The following EPHB1 variants were observed in gnomAD, a reference collection of about 807,000 sequenced individuals.
EPHB1 encodes EPH receptor B1, also known as ephrin type-B receptor 1.
A neutral mutation model predicts 94.4 loss-of-function variants in EPHB1; 30 were observed. The observed-to-expected ratio is 0.32, with a 90% CI of 0.24 to 0.43. The LOEUF is 0.43. EPHB1 is among the 20% of genes least tolerant of loss of function. EPHB1 has a pLI of 1.00. For synonymous variants in EPHB1, 522 were observed against 489.1 expected, an observed-to-expected ratio of 1.07 and a Z score of -0.89; for missense variants, 1,055 against 1,308.3, an observed-to-expected ratio of 0.81 and a Z score of 2.99.
intron 3 of EPHB1, among the ~76,000 whole-genome samples, chr3:135,030,861 C>T (rs1006299926): frequency 2.6e-4 from 39 of 152,296 alleles, no homozygotes; most frequent in Non-Finnish European, 5.1e-4. Context: ...GACTGCTGTG[C>T]TAGCAATCAG....
intron 3 of EPHB1, among the ~76,000 whole-genome samples, chr3:135,106,102 C>T (rs1379253341): frequency 3.3e-5 from 5 of 152,154 alleles, no homozygotes; most frequent in Non-Finnish European, 5.9e-5. Flanking sequence ...ACCAGGTAGA[C>T]AGAAGAGGGA....
intron 9 of EPHB1, among the ~76,000 whole-genome samples, chr3:135,179,580 C>T (rs1326322901): frequency 6.6e-6 from 1 of 152,110 alleles, no homozygotes; most frequent in East Asian, 1.9e-4. Context: ...GAACTGGTCC[C>T]GATCTGTCAC....
rs2036771469 is a variant in EPHB1, at chr3:134,841,236, A to G, written c.58+45547A>G. On this transcript the variant is annotated intron_variant, in intron 1 of 15. Transcript: ENST00000398015. ...GTGGGTGGCAGGCAGTAGCCAGGAC[A>G]TCTCTAGAGCCTAGGTTAGATGCTC... Among the ~76,000 whole-genome samples, 4 of 152,250 alleles carry G rather than the reference A, an allele frequency of 2.6e-5. No homozygotes were observed. In the South Asian group the frequency reaches 6.2e-4, roughly 24 times the overall value.
intron 3 of EPHB1, among the ~76,000 whole-genome samples, chr3:135,048,266 T>C (rs1319506249): frequency 9.6e-4 from 123 of 128,680 alleles, no homozygotes; most frequent in African/African-American, 2.8e-3. Context: ...TTTCTTTTTT[T>C]TTTTTTTTTT....
chr3:135,087,938 C>G (rs896863039), intron 3 of EPHB1, among the ~76,000 whole-genome samples: 1 of 152,178 alleles, frequency 6.6e-6, no homozygotes, highest in Non-Finnish European at 1.5e-5. Context: ...GTAGAATACC[C>G]AGCAGCCACA....
intron 1 of EPHB1, chr3:134,841,571 G>A (rs759691022): frequency 1.3e-5 from 2 of 152,170 alleles, no homozygotes; most frequent in Non-Finnish European, 2.9e-5. Flanking sequence ...TTATTTCACT[G>A]ATGTATTTGA....
intron 1 of EPHB1, among the ~76,000 whole-genome samples, chr3:134,805,881 T>G (rs11720040): frequency 6.6e-6 from 1 of 152,122 alleles, no homozygotes; most frequent in African/African-American, 2.4e-5. Flanking sequence ...CTTCCCTCTA[T>G]GGGATCACAT....
At chr3:134,882,253 A>G (rs534899665) in intron 1 of EPHB1, among the ~76,000 whole-genome samples, 1 of 152,338 alleles carries the variant, frequency 6.6e-6, no homozygotes, top group South Asian at 2.1e-4. Flanking sequence ...ACTGAGAGGA[A>G]TATAACCAGC....
intron 4 of EPHB1, among the ~76,000 whole-genome samples, chr3:135,120,166 A>C (rs1205041930): frequency 1.3e-5 from 2 of 152,220 alleles, no homozygotes; most frequent in African/African-American, 4.8e-5. Context: ...CTGTTTAATC[A>C]GGGTTGGAAT....
At chr3:135,041,371 A>T (rs1021112341) in intron 3 of EPHB1, among the ~76,000 whole-genome samples, 2 of 152,096 alleles carry the variant, frequency 1.3e-5, no homozygotes, top group Non-Finnish European at 2.9e-5. Flanking sequence ...ACCCGTGGAA[A>T]TGTGAGCTGT....
At chr3:135,043,502 C>T (rs946561923) in intron 3 of EPHB1, among the ~76,000 whole-genome samples, 1 of 151,954 alleles carries the variant, frequency 6.6e-6, no homozygotes, top group Non-Finnish European at 1.5e-5. Context: ...AAGTCTCTCC[C>T]CAGCTTCAGC....
At chr3:134,974,862 G>T (rs1934118982) in intron 3 of EPHB1, among the ~76,000 whole-genome samples, 1 of 151,226 alleles carries the variant, frequency 6.6e-6, no homozygotes, top group African/African-American at 2.4e-5. Flanking sequence ...GCACGGGAGG[G>T]GCTCTCAGCA....
intron 1 of EPHB1, among the ~76,000 whole-genome samples, chr3:134,818,597 A>G (rs537271838): frequency 3.3e-5 from 5 of 152,150 alleles, no homozygotes; most frequent in Non-Finnish European, 1.5e-5. Flanking sequence ...TTGCATCCTC[A>G]TAGCTTAGCT....
intron 5 of EPHB1, among the ~76,000 whole-genome samples, chr3:135,137,200 G>A (rs2107688931): frequency 6.6e-6 from 1 of 152,266 alleles, no homozygotes; most frequent in South Asian, 2.1e-4. Context: ...CTAAGGCCAG[G>A]CAGGTAATGG....
At chr3:135,037,011 G>A (rs1936666709) in intron 3 of EPHB1, among the ~76,000 whole-genome samples, 1 of 152,156 alleles carries the variant, frequency 6.6e-6, no homozygotes, top group Admixed American at 6.5e-5. Flanking sequence ...CTACCGAGAA[G>A]ATAGATGGAT....
chr3:134,959,690 ATAAT>A (rs1933429251), intron 3 of EPHB1, among the ~76,000 whole-genome samples: 1 of 152,150 alleles, frequency 6.6e-6, no homozygotes, highest in African/African-American at 2.4e-5. Flanking sequence ...GAACCAGCAG[ATAAT>A]ACACAGCCCC....
intron 2 of EPHB1, among the ~76,000 whole-genome samples, chr3:134,943,220 C>G (rs1242982574): frequency 1.3e-5 from 2 of 152,210 alleles, no homozygotes; most frequent in African/African-American, 2.4e-5. Flanking sequence ...CTGCCTTTCT[C>G]TAGCTCAGTT....
At chr3:135,247,367 A>C (rs1359067772) in intron 13 of EPHB1, among the ~76,000 whole-genome samples, 1 of 152,204 alleles carries the variant, frequency 6.6e-6, no homozygotes, top group Non-Finnish European at 1.5e-5. Context: ...CCATCTCAAT[A>C]GATGGATTTT....
intron 1 of EPHB1, among the ~76,000 whole-genome samples, chr3:134,894,650 CTCT>C (rs2038051517): frequency 6.6e-6 from 1 of 152,180 alleles, no homozygotes. Flanking sequence ...AGAGCAAGGG[CTCT>C]GATATAGCAG....
Sources: gnomAD v4.1 joint callset for allele counts (sites outside exome capture counted in the v4.1 genomes callset) on GRCh38, gnomAD v4.1.1 for gene constraint, MANE v1.5 for transcripts, NCBI Gene and HGNC (gene_info 2026-07-23, HGNC 2026-07-21) for gene names.